LAMC1: variants seen among roughly 807,000 people sequenced by gnomAD.
The protein encoded by LAMC1 is laminin subunit gamma 1, also known as laminin subunit gamma-1.
In LAMC1, 38 loss-of-function variants were observed where a neutral mutation model predicts 173.6. That is an observed-to-expected ratio of 0.22 (90% CI 0.17 to 0.29). The LOEUF is 0.29. Among genes scored for constraint, LAMC1 ranks in the 10% least tolerant of loss-of-function variants. The pLI is 1.00. For missense variants in LAMC1, 1,824 were observed against 2,051.8 expected, an observed-to-expected ratio of 0.89 and a Z score of 2.14; for synonymous variants, 746 against 749.1, an observed-to-expected ratio of 1.00 and a Z score of 0.07.
rs777613747 is a variant in LAMC1 at position 183,117,665 on chromosome 1, C to G, written c.1819C>G (p.Pro607Ala). 4.3e-6 allele frequency: 7 copies of G among 1,614,066 alleles called. No homozygotes were observed. The African/African-American group carries it at 8.0e-5, about 18-fold the overall frequency. ...GGGAGCTGGCTTAAGAGTATCTGTA[C>G]CCTTGATCGCTCAGGGCAATTCCTA... ...LEGAGLRVSV[P>A]LIAQGNSYPS... Residue 607 changes from proline to alanine, a missense_variant, in exon 10 of 28, where the codon CCC becomes GCC. By Grantham distance (27) the Pro-to-Ala change is conservative. Transcript: ENST00000258341.
intron 1 of LAMC1, among the ~76,000 whole-genome samples, chr1:183,055,770 C>T (rs1462309439): frequency 6.6e-6 from 1 of 151,796 alleles, no homozygotes; most frequent in African/African-American, 2.4e-5. Flanking sequence ...TGAGATCACA[C>T]CACTGCACTT....
chr1:183,134,891 C>A, intron 23 of LAMC1, 82 bp downstream of exon 23: 1 of 1,430,168 alleles, frequency 7.0e-7, no homozygotes, highest in Non-Finnish European at 9.7e-7. Context: ...GCCGTACTTT[C>A]AGAGACAGCA....
At chr1:183,049,331 T>C (rs1654347689) in intron 1 of LAMC1, among the ~76,000 whole-genome samples, 1 of 152,220 alleles carries the variant, frequency 6.6e-6, no homozygotes, top group Admixed American at 6.5e-5. Flanking sequence ...CAGAAGTCTT[T>C]TTAAAAAATT....
intron 11 of LAMC1, 107 bp downstream of exon 11, chr1:183,118,253 G>GT: frequency 1.6e-6 from 1 of 610,316 alleles, no homozygotes; most frequent in Non-Finnish European, 2.9e-6. Flanking sequence ...ACTGAGAAGT[G>GT]TATAACAACT....
rs777604251 is a variant in LAMC1, at chr1:183,103,524, T to C, written c.615T>C (p.Cys205=). 13 of 1,614,132 alleles carry C rather than the reference T, an allele frequency of 8.1e-6. No individual in the cohort carries two copies. The South Asian group carries it at 1.4e-4, about 18-fold the overall frequency. ...RTGGDEQQAL[C]TDEFSDISPL... ...GAGGGGACGAGCAGCAGGCCTTGTG[T>C]ACTGATGAATTCAGTGACATTTCTC... is the stretch of plus-strand genomic sequence containing the variant. The change falls in exon 2 of 28, where the codon TGT becomes TGC. Residue 205 remains cysteine, a synonymous_variant. Transcript: ENST00000258341.
intron 20 of LAMC1, among the ~76,000 whole-genome samples, chr1:183,131,951 T>A (rs1001372997): frequency 1.3e-5 from 2 of 152,222 alleles, no homozygotes; most frequent in African/African-American, 2.4e-5. Flanking sequence ...AAATTCCAAA[T>A]GAATGACGTT....
chr1:183,128,932 T>C (rs946483636), intron 18 of LAMC1, 182 bp downstream of exon 18: 1 of 372,596 alleles, frequency 2.7e-6, no homozygotes, highest in African/African-American at 2.0e-5. Flanking sequence ...TTTACTGCTT[T>C]AAGCTACAGT....
chr1:183,126,071 C>A (rs2102096278), intron 15 of LAMC1, 49 bp from the exon 16 acceptor site: 1 of 1,568,886 alleles, frequency 6.4e-7, no homozygotes, highest in South Asian at 1.2e-5. Flanking sequence ...AAAAGTTGTG[C>A]TTAAAGTCTG....
At chr1:183,126,748 T>C (rs1257321123) in intron 16 of LAMC1, among the ~76,000 whole-genome samples, 3 of 152,250 alleles carry the variant, frequency 2.0e-5, no homozygotes, top group African/African-American at 7.2e-5. Context: ...TCAGAACAGA[T>C]TGGCTTTTGC....
At position 183,124,876 on chromosome 1, in the gene LAMC1, G is replaced by A; in HGVS notation, c.2647G>A (p.Ala883Thr). The change falls in exon 14 of 28, where the codon GCC (alanine) becomes ACC (threonine). Residue 883 changes from alanine (A) to threonine (T), a missense_variant and splice_region_variant. By Grantham distance (58) the Ala-to-Thr change is moderately conservative. Transcript: ENST00000258341. ...LAPNPADKCK[A>T]CNCNLYGTMK... is the part of the protein sequence containing the mutation. ...TCCCAATCCAGCAGACAAATGCAAA[G>A]GTAATCAGCCTTTGATCAGATTCTG... 1 of 1,613,722 alleles carries A rather than the reference G, an allele frequency of 6.2e-7. No homozygotes were observed. Among genetic ancestry groups the A allele is most frequent in the Non-Finnish European group, 8.5e-7 (1 of 1,179,672 alleles).
chr1:183,099,177 C>G (rs12049317), intron 1 of LAMC1, among the ~76,000 whole-genome samples: 17,522 of 152,098 alleles, frequency 0.12, 1,147 homozygotes, highest in Admixed American at 0.2. Flanking sequence ...CAACCTCCGC[C>G]TCCTGAGTTC....
chr1:183,034,959 C>G (rs1415164467), intron 1 of LAMC1, among the ~76,000 whole-genome samples: 1 of 152,190 alleles, frequency 6.6e-6, no homozygotes, highest in Non-Finnish European at 1.5e-5. Context: ...AGGTTGAAAT[C>G]CAGACCTGCT....
intron 1 of LAMC1, among the ~76,000 whole-genome samples, chr1:183,080,868 A>G (rs1655253770): frequency 6.6e-6 from 1 of 151,734 alleles, no homozygotes; most frequent in Admixed American, 6.6e-5. Flanking sequence ...TAATGTTCTC[A>G]GATATTTTTT....
intron 11 of LAMC1, 128 bp downstream of exon 11, chr1:183,118,274 A>G (rs190032139): frequency 5.7e-5 from 31 of 548,102 alleles, no homozygotes; most frequent in Admixed American, 4.9e-4. Context: ...CACATTATAC[A>G]TGAATTATAT....
intron 1 of LAMC1, among the ~76,000 whole-genome samples, chr1:183,038,527 A>G (rs913502357): frequency 6.8e-6 from 1 of 147,834 alleles, no homozygotes; most frequent in Non-Finnish European, 1.5e-5. Context: ...GGACTTTTCC[A>G]TCAACTTTCT....
rs960378046 is a variant in LAMC1, at chr1:183,023,606, C to T, written c.-111C>T. ...CGCCACCGCCCGCGCCGGAGTCAGG[C>T]CCCTGGGCCCCCAGGCTCAAGCAGC... On this transcript the variant is annotated 5_prime_UTR_variant, in exon 1 of 28. Coordinates refer to ENST00000258341, the MANE Select transcript of LAMC1 (RefSeq NM_002293.4). The T allele has an allele frequency of 2.5e-5, 21 of 833,642 alleles. No homozygotes were observed. The Admixed American group carries it at 8.1e-4, about 32-fold the overall frequency. The allele number at this position is 833,642 out of a possible 1,614,324, so 51.6% of individuals were successfully genotyped here. A position where few individuals can be genotyped will look rare whatever the true frequency, so the allele number is the denominator to read the frequency against.
At chr1:183,078,314 G>A (rs1655172634) in intron 1 of LAMC1, among the ~76,000 whole-genome samples, 1 of 152,202 alleles carries the variant, frequency 6.6e-6, no homozygotes, top group South Asian at 2.1e-4. Context: ...CAGGCGCGGT[G>A]GCTCATGCCT....
At chr1:183,024,247 T>C (rs925961080) in intron 1 of LAMC1, 113 bp downstream of exon 1, 5 of 1,048,266 alleles carry the variant, frequency 4.8e-6, no homozygotes, top group Non-Finnish European at 6.8e-6. Flanking sequence ...GTTTGCTCTC[T>C]GTTCCCCGGC....
chr1:183,075,126 C>CT (rs34893443), intron 1 of LAMC1, among the ~76,000 whole-genome samples: 3,385 of 135,722 alleles, frequency 0.025, 69 homozygotes, highest in South Asian at 0.087. Context: ...CTGATGTGGG[C>CT]TTTTTTTTTT....
Sources: gnomAD v4.1 joint callset for allele counts (sites outside exome capture counted in the v4.1 genomes callset) on GRCh38, gnomAD v4.1.1 for gene constraint, MANE v1.5 for transcripts, NCBI Gene and HGNC (gene_info 2026-07-23, HGNC 2026-07-21) for gene names.